Variants in ADAMTS6 observed in about 807,000 individuals in gnomAD.
ADAMTS6 encodes the protein A disintegrin and metalloproteinase with thrombospondin motifs 6.
A neutral mutation model predicts 144.3 loss-of-function variants in ADAMTS6; 23 were observed. That is an observed-to-expected ratio of 0.16 (90% CI 0.11 to 0.23). The LOEUF (loss-of-function observed/expected upper bound fraction) is 0.23. ADAMTS6 is among the 10% of genes least tolerant of loss of function. The probability of loss-of-function intolerance (pLI) is 1.00; values close to 1 mark genes in which losing one functional copy is unlikely to be tolerated. For synonymous variants in ADAMTS6, 444 were observed against 457.5 expected (o/e 0.97, Z 0.38); for missense variants, 999 against 1,379.6 (o/e 0.72, Z 4.37).
intron 7 of ADAMTS6, among the ~76,000 whole-genome samples, chr5:65,341,493 T>A (rs1217105036): frequency 6.6e-6 from 1 of 151,340 alleles, no homozygotes; most frequent in East Asian, 1.9e-4. Context: ...ATGAATAATA[T>A]CTCAGAAATA....
At chr5:65,357,889 T>G (rs1256183304) in intron 7 of ADAMTS6, among the ~76,000 whole-genome samples, 3 of 151,874 alleles carry the variant, frequency 2.0e-5, no homozygotes, top group African/African-American at 7.2e-5. Context: ...GCTTCACTAG[T>G]GAATTATACT....
At chr5:65,170,897 C>A in intron 23 of ADAMTS6, 124 bp from the exon 24 acceptor site, 10 of 1,043,792 alleles carry the variant, frequency 9.6e-6, no homozygotes, top group Middle Eastern at 5.6e-4. Context: ...TGAGACACAG[C>A]GTCTTGCTAT....
At position 65,270,773 on chromosome 5, in the gene ADAMTS6, T is replaced by A. The variant is rs917092253; in HGVS notation, c.1620+2567A>T. Among the ~76,000 whole-genome samples, 4 of 152,184 alleles carry A rather than the reference T, an allele frequency of 2.6e-5. No homozygotes were observed. In the South Asian group the frequency reaches 6.2e-4, roughly 24 times the overall value. ...TACACTCTTATGTTGTGAATATAAA[T>A]GACCCCTTGACATATAAACTTTGCC... On this transcript the variant is annotated intron_variant, in intron 12 of 24. Coordinates refer to ENST00000381055, the MANE Select transcript of ADAMTS6 (RefSeq NM_197941.4).
At chr5:65,227,918 C>T (rs1005712751) in intron 15 of ADAMTS6, among the ~76,000 whole-genome samples, 94 of 152,086 alleles carry the variant, frequency 6.2e-4, no homozygotes, top group Non-Finnish European at 1.5e-4. Flanking sequence ...AACTTACGAC[C>T]TCTGGCCTGA....
intron 7 of ADAMTS6, among the ~76,000 whole-genome samples, chr5:65,378,977 A>G (rs1216004547): frequency 1.1e-4 from 16 of 152,320 alleles, no homozygotes; most frequent in Non-Finnish European, 4.4e-5. Context: ...TCATGATCTT[A>G]TTGTAAAATC....
intron 7 of ADAMTS6, among the ~76,000 whole-genome samples, chr5:65,366,339 A>G (rs1331050678): frequency 6.6e-6 from 1 of 152,228 alleles, no homozygotes; most frequent in African/African-American, 2.4e-5. Flanking sequence ...TAACATTTTC[A>G]TTCCGACAAT....
intron 9 of ADAMTS6, among the ~76,000 whole-genome samples, chr5:65,324,754 T>C (rs1403230464): frequency 6.6e-6 from 1 of 152,096 alleles, no homozygotes; most frequent in East Asian, 1.9e-4. Context: ...AGAAGATATA[T>C]GAGTTATGTA....
chr5:65,370,554 C>A (rs938843949), intron 7 of ADAMTS6, among the ~76,000 whole-genome samples: 2 of 152,180 alleles, frequency 1.3e-5, no homozygotes, highest in African/African-American at 4.8e-5. Context: ...ACCCAAATAC[C>A]GCGCTTTTCC....
At chr5:65,296,371 C>T (rs1036546368) in intron 10 of ADAMTS6, among the ~76,000 whole-genome samples, 1 of 152,166 alleles carries the variant, frequency 6.6e-6, no homozygotes, top group Non-Finnish European at 1.5e-5. Context: ...CTTTTTCTCT[C>T]ACCCTTAATA....
chr5:65,315,988 T>C (rs1744955638), intron 9 of ADAMTS6, among the ~76,000 whole-genome samples: 1 of 152,196 alleles, frequency 6.6e-6, no homozygotes, highest in South Asian at 2.1e-4. Flanking sequence ...CTCAGCTCAC[T>C]GCAACCTCTG....
At chr5:65,384,051 C>T (rs990177059) in intron 7 of ADAMTS6, among the ~76,000 whole-genome samples, 12 of 152,166 alleles carry the variant, frequency 7.9e-5, no homozygotes, top group African/African-American at 2.4e-4. Context: ...AAGGCCCTGG[C>T]GTTCTGACCC....
At chr5:65,409,230 C>T (rs148271189) in intron 7 of ADAMTS6, among the ~76,000 whole-genome samples, 5,474 of 151,966 alleles carry the variant, frequency 0.036, 301 homozygotes, top group African/African-American at 0.12. Flanking sequence ...TTTAAAAGAT[C>T]AACAAAACTG....
chr5:65,474,110 A>C (rs949332942), intron 1 of ADAMTS6, among the ~76,000 whole-genome samples, 158 bp from the exon 2 acceptor site: 2 of 152,160 alleles, frequency 1.3e-5, no homozygotes, highest in African/African-American at 4.8e-5. Context: ...CATTCACAAG[A>C]TTAGACACAG....
chr5:65,358,496 T>C (rs979239268), intron 7 of ADAMTS6, among the ~76,000 whole-genome samples: 4 of 152,042 alleles, frequency 2.6e-5, no homozygotes, highest in Non-Finnish European at 4.4e-5. Flanking sequence ...AAACTTCCAA[T>C]GACATTTTTC....
intron 11 of ADAMTS6, among the ~76,000 whole-genome samples, chr5:65,282,228 G>C (rs1371359512): frequency 6.6e-6 from 1 of 152,092 alleles, no homozygotes; most frequent in Non-Finnish European, 1.5e-5. Flanking sequence ...TCAGGCTACA[G>C]CTTGGTTTTA....
At chr5:65,373,071 C>T (rs1019656592) in intron 7 of ADAMTS6, among the ~76,000 whole-genome samples, 2 of 152,002 alleles carry the variant, frequency 1.3e-5, no homozygotes, top group Non-Finnish European at 2.9e-5. Context: ...AGAACAAAGA[C>T]ACAACATACC....
Position 65,148,754 on chromosome 5 carries a change from A to C in ADAMTS6, c.*3082T>G, listed in dbSNP as rs1751980604. ...CAATCTGTATCATTATTATAAGCTG[A>C]ATTTTTATTTTACTAAATTATCTAT... On this transcript the variant is annotated 3_prime_UTR_variant, in exon 25 of 25. Transcript: ENST00000381055. 1 of 152,360 alleles carries C rather than the reference A, an allele frequency of 6.6e-6. No homozygotes were observed. Among genetic ancestry groups the C allele is most frequent in the African/African-American group, 2.4e-5 (1 of 41,434 alleles). The allele number at this position is 152,360 out of a possible 1,614,324, so 9.4% of individuals were successfully genotyped here.
At chr5:65,370,399 C>T (rs569769261) in intron 7 of ADAMTS6, among the ~76,000 whole-genome samples, 22 of 152,258 alleles carry the variant, frequency 1.4e-4, no homozygotes, top group East Asian at 7.7e-4. Context: ...AGACAGCGCG[C>T]GCAGGTCAGT....
rs139263003 is a variant in ADAMTS6 at position 65,456,776 on chromosome 5, G to C, written c.631+3394C>G. Reference sequence around the variant, plus strand: ...TAGTTATCTCTGGGTATTGGAATAAGTAATTTTCAGTTTCTTCTTTTCCTT... The same window carrying C: ...TAGTTATCTCTGGGTATTGGAATAACTAATTTTCAGTTTCTTCTTTTCCTT... On this transcript the variant is annotated intron_variant, in intron 4 of 24. Coordinates refer to ENST00000381055, the MANE Select transcript of ADAMTS6 (RefSeq NM_197941.4). Among the ~76,000 whole-genome samples the C allele has an allele frequency of 1.8e-3, 274 of 152,208 alleles. 2 individuals carry two copies. Among genetic ancestry groups the C allele is most frequent in the African/African-American group, 6.4e-3 (267 of 41,544 alleles).
Sources: gnomAD v4.1 joint callset for allele counts (sites outside exome capture counted in the v4.1 genomes callset) on GRCh38, gnomAD v4.1.1 for gene constraint, MANE v1.5 for transcripts, NCBI Gene and HGNC (gene_info 2026-07-23, HGNC 2026-07-21) for gene names.